The following FAM110B variants were observed in gnomAD, a reference collection of about 807,000 sequenced individuals.
The protein encoded by FAM110B is protein FAM110B.
Under a neutral mutation model 20.4 loss-of-function variants are expected in FAM110B, and 6 were observed. The ratio of observed to expected loss-of-function variants is 0.29; its 90% CI spans 0.16 to 0.58. FAM110B has a LOEUF of 0.58. Among genes scored for constraint, FAM110B ranks in the 20% least tolerant of loss-of-function variants. FAM110B has a pLI of 0.90. For synonymous variants in FAM110B, 226 were observed against 214.1 expected, an observed-to-expected ratio of 1.06 and a Z score of -0.49; for missense variants, 434 against 498.2, an observed-to-expected ratio of 0.87 and a Z score of 1.23.
intron 3 of FAM110B, among the ~76,000 whole-genome samples, chr8:58,122,407 C>T (rs1428939890): frequency 2.6e-5 from 4 of 152,074 alleles, no homozygotes; most frequent in Non-Finnish European, 5.9e-5. Flanking sequence ...TCCCCTTCAA[C>T]ATCTTCTATT....
intron 2 of FAM110B, among the ~76,000 whole-genome samples, chr8:58,045,028 C>T (rs16922943): frequency 0.13 from 19,536 of 152,144 alleles, 2,654 homozygotes; most frequent in African/African-American, 0.34. Context: ...TGCTTAATAG[C>T]CTGTTAAAGC....
intron 2 of FAM110B, among the ~76,000 whole-genome samples, chr8:58,069,476 C>T (rs763989508): frequency 3.3e-5 from 5 of 152,170 alleles, no homozygotes; most frequent in Non-Finnish European, 7.4e-5. Context: ...TTTTCACCCA[C>T]GTATGTATCA....
intron 2 of FAM110B, among the ~76,000 whole-genome samples, chr8:58,057,625 A>G (rs1805573688): frequency 6.6e-6 from 1 of 152,150 alleles, no homozygotes; most frequent in African/African-American, 2.4e-5. Flanking sequence ...CATGCAGTTC[A>G]GAAATAGTCA....
intron 1 of FAM110B, among the ~76,000 whole-genome samples, chr8:58,027,461 A>G (rs1230253377): frequency 1.3e-5 from 2 of 151,990 alleles, no homozygotes; most frequent in Non-Finnish European, 2.9e-5. Flanking sequence ...GTTACAATGT[A>G]TATATAACTA....
At chr8:58,054,689 A>G (rs1240845518) in intron 2 of FAM110B, among the ~76,000 whole-genome samples, 1 of 152,148 alleles carries the variant, frequency 6.6e-6, no homozygotes, top group African/African-American at 2.4e-5. Flanking sequence ...ACCTTTCCTG[A>G]GTGCACTGGG....
At chr8:58,047,165 C>T (rs1805336180) in intron 2 of FAM110B, among the ~76,000 whole-genome samples, 1 of 152,150 alleles carries the variant, frequency 6.6e-6, no homozygotes, top group Admixed American at 6.5e-5. Flanking sequence ...CACTGCTTTC[C>T]TATGAAAACA....
chr8:58,086,117 A>G lies in FAM110B; in HGVS notation c.-325+10494A>G, dbSNP rs183316258. 2.8e-3 allele frequency among the ~76,000 whole-genome samples: 424 copies of G among 152,326 alleles called. 2 individuals carry two copies. The highest frequency in any genetic ancestry group is 2.2e-3 in the Non-Finnish European group (149 of 68,022). On this transcript the variant is annotated intron_variant, in intron 3 of 3. Coordinates refer to ENST00000519262, the MANE Select transcript of FAM110B (RefSeq NM_001377989.1). The stretch of plus-strand genomic sequence containing the variant: ...AACGCTGTGTTCATCACCTATGTAC[A>G]GTGGTCATGTTCATAACCGAATCTG...
chr8:58,100,393 T>G (rs113224876), intron 3 of FAM110B, among the ~76,000 whole-genome samples: 19 of 152,342 alleles, frequency 1.2e-4, no homozygotes, highest in African/African-American at 4.6e-4. Flanking sequence ...TGTTTCCTAT[T>G]GTATAAGTTT....
chr8:58,028,888 C>G (rs1463783552), intron 1 of FAM110B, among the ~76,000 whole-genome samples: 1 of 152,190 alleles, frequency 6.6e-6, no homozygotes, highest in Admixed American at 6.5e-5. Flanking sequence ...TTACTAACTA[C>G]CCATCTAAAG....
chr8:58,053,900 G>A (rs1015002648), intron 2 of FAM110B, among the ~76,000 whole-genome samples: 12 of 152,158 alleles, frequency 7.9e-5, no homozygotes, highest in Non-Finnish European at 1.5e-4. Flanking sequence ...CTTGAGAAAC[G>A]AATTATTCTT....
intron 3 of FAM110B, among the ~76,000 whole-genome samples, chr8:58,121,236 C>A (rs150045998): frequency 2.0e-5 from 3 of 152,178 alleles, no homozygotes; most frequent in South Asian, 2.1e-4. Context: ...GTTGTCCACA[C>A]GCACCACTGT....
chr8:58,033,450 A>G (rs1024160377), intron 2 of FAM110B, among the ~76,000 whole-genome samples: 2 of 152,206 alleles, frequency 1.3e-5, no homozygotes, highest in Admixed American at 6.5e-5. Flanking sequence ...TGGTAGTTCT[A>G]AGTTCTTTGA....
At chr8:57,998,100 T>A (rs541086255) in intron 1 of FAM110B, among the ~76,000 whole-genome samples, 2 of 152,362 alleles carry the variant, frequency 1.3e-5, no homozygotes, top group South Asian at 4.1e-4. Flanking sequence ...CTCATTGACA[T>A]ACTTTGAATT....
intron 2 of FAM110B, among the ~76,000 whole-genome samples, chr8:58,060,627 T>C (rs935044787): frequency 4.6e-5 from 7 of 152,170 alleles, no homozygotes; most frequent in Non-Finnish European, 1.0e-4. Context: ...ACAGTATATT[T>C]TGGGAAACGG....
intron 3 of FAM110B, among the ~76,000 whole-genome samples, chr8:58,141,914 A>G (rs979596763): frequency 6.6e-6 from 1 of 152,208 alleles, no homozygotes; most frequent in African/African-American, 2.4e-5. Flanking sequence ...CTTTGGCTTT[A>G]GCATTTTTTT....
intron 3 of FAM110B, among the ~76,000 whole-genome samples, chr8:58,145,665 C>T (rs1257578787): frequency 6.6e-6 from 1 of 152,254 alleles, no homozygotes; most frequent in Admixed American, 6.5e-5. Context: ...AGAGTTCGCG[C>T]GTGGGAAACC....
At position 58,091,834 on chromosome 8, in the gene FAM110B, C is replaced by T. The variant is rs1013680153; in HGVS notation, c.-325+16211C>T. On this transcript the variant is annotated intron_variant, in intron 3 of 3. Coordinates refer to ENST00000519262, the MANE Select transcript of FAM110B (RefSeq NM_001377989.1). ...AAATGATCCCTGCATGGCAGAGCAG[C>T]CTGTTACCATGGAGACAGCTTACTA... 3.9e-5 allele frequency among the ~76,000 whole-genome samples: 6 copies of T among 152,144 alleles called. No homozygotes were observed. The East Asian group carries it at 1.2e-3, about 29-fold the overall frequency.
intron 1 of FAM110B, among the ~76,000 whole-genome samples, chr8:58,000,322 G>T: frequency 6.6e-6 from 1 of 152,144 alleles, no homozygotes; most frequent in East Asian, 1.9e-4. Flanking sequence ...GTAGATTATT[G>T]TCTCAGTTTC....
intron 3 of FAM110B, among the ~76,000 whole-genome samples, chr8:58,128,935 A>G (rs1377691427): frequency 6.6e-6 from 1 of 152,110 alleles, no homozygotes; most frequent in Non-Finnish European, 1.5e-5. Context: ...TCATAGACGT[A>G]TTGGCTGCAT....
Sources: allele counts gnomAD v4.1 joint callset (sites outside exome capture counted in the v4.1 genomes callset), GRCh38; gene constraint gnomAD v4.1.1; transcripts MANE v1.5; gene names NCBI Gene and HGNC (gene_info 2026-07-23, HGNC 2026-07-21).